The following C14orf132 variants were observed in gnomAD, a reference collection of about 807,000 sequenced individuals.
C14orf132 encodes uncharacterized protein C14orf132.
C14orf132 carries 6 observed loss-of-function variants against 5.8 expected under a neutral mutation model. The observed-to-expected ratio is 1.03, with a 90% confidence interval of 0.57 to 2.04. C14orf132 has a LOEUF of 2.04. C14orf132 is among the 30% of genes most tolerant of loss of function. The pLI is 0.00. For missense variants in C14orf132, 125 were observed against 115.8 expected, an observed-to-expected ratio of 1.08 and a Z score of -0.37; for synonymous variants, 51 against 49.8, an observed-to-expected ratio of 1.02 and a Z score of -0.10.
intron 1 of C14orf132, among the ~76,000 whole-genome samples, chr14:96,068,529 A>T (rs541990370): frequency 3.3e-5 from 5 of 152,258 alleles, no homozygotes; most frequent in African/African-American, 9.6e-5. Flanking sequence ...GTAGAAAAGG[A>T]TTTCTCACTT....
At chr14:96,044,668 G>T (rs1226753502) in intron 1 of C14orf132, among the ~76,000 whole-genome samples, 1 of 152,064 alleles carries the variant, frequency 6.6e-6, no homozygotes, top group East Asian at 1.9e-4. Flanking sequence ...GGTGGGGGTG[G>T]AATCTGTTCC....
intron 1 of C14orf132, among the ~76,000 whole-genome samples, chr14:96,080,995 G>GTAT: frequency 6.6e-6 from 1 of 152,208 alleles, no homozygotes; most frequent in Non-Finnish European, 1.5e-5. Flanking sequence ...TATACCCACT[G>GTAT]ACCAGAATAG....
chr14:96,068,297 G>A (rs1239614149), intron 1 of C14orf132, among the ~76,000 whole-genome samples: 3 of 152,208 alleles, frequency 2.0e-5, no homozygotes, highest in African/African-American at 4.8e-5. Context: ...TCACCTCAAC[G>A]TGTTGCAGGG....
In C14orf132 at chr14:96,090,577, T is replaced by C. The variant is rs2093722; in HGVS notation, c.*3842T>C. The stretch of plus-strand genomic sequence containing the variant: ...CGCAGCTCTTCCTACTCCAAGCCAA[T>C]GCTGTCCTTCCCCTTTCCCATGAAA... On this transcript the variant is annotated 3_prime_UTR_variant, in exon 2 of 2. Coordinates refer to ENST00000555004, the MANE Select transcript of C14orf132 (RefSeq NM_001252507.3). 340,561 of 455,682 alleles carry C rather than the reference T, an allele frequency of 0.75. 128,839 individuals carry two copies. The highest frequency in any genetic ancestry group is 0.96 in the East Asian group (13,758 of 14,382). 28.2% of individuals were successfully genotyped at this position (455,682 alleles called of 1,614,324 possible).
Position 96,089,301 on chromosome 14 carries a change from G to C in C14orf132, c.*2566G>C, listed in dbSNP as rs890392805. 6.6e-6 allele frequency: 1 copy of C among 152,362 alleles called. No individual in the cohort carries two copies. The highest frequency in any genetic ancestry group is 1.5e-5 in the Non-Finnish European group (1 of 68,114). The allele number at this position is 152,362 out of a possible 1,614,324, so 9.4% of individuals were successfully genotyped here. On this transcript the variant is annotated 3_prime_UTR_variant, in exon 2 of 2. Transcript: ENST00000555004. ...TTTGTGTCCAGGTGCCACTAGACTT[G>C]CATGCACACTAACTCCTTACAATCA...
intron 1 of C14orf132, among the ~76,000 whole-genome samples, chr14:96,068,786 TAA>T (rs781205462): frequency 8.5e-5 from 13 of 152,224 alleles, no homozygotes; most frequent in Non-Finnish European, 1.6e-4. Flanking sequence ...ATGGTTCATT[TAA>T]AGTGTCGACT....
Position 96,091,287 on chromosome 14 carries a change from G to A in C14orf132, c.*4552G>A. 2.9e-6 allele frequency: 1 copy of A among 343,948 alleles called. No homozygotes were observed. The highest frequency in any genetic ancestry group is 2.4e-5 in the South Asian group (1 of 42,414). The allele number at this position is 343,948 out of a possible 1,614,324, so 21.3% of individuals were successfully genotyped here. ...TATAGCCAGATTGCCACATTCAAGT[G>A]TAAGTCCAGGAAAGGGGCAGGCGGC... On this transcript the variant is annotated 3_prime_UTR_variant, in exon 2 of 2. Transcript: ENST00000555004.
At chr14:96,054,144 T>C (rs1887111964) in intron 1 of C14orf132, among the ~76,000 whole-genome samples, 1 of 152,184 alleles carries the variant, frequency 6.6e-6, no homozygotes, top group Non-Finnish European at 1.5e-5. Flanking sequence ...CAGACTGTAA[T>C]GTGCCAGAAT....
At chr14:96,041,253 C>T (rs772090376) in intron 1 of C14orf132, among the ~76,000 whole-genome samples, 5 of 152,154 alleles carry the variant, frequency 3.3e-5, no homozygotes, top group Admixed American at 2.6e-4. Flanking sequence ...ATGTGCCAGA[C>T]GCTGGGTGCT....
At chr14:96,069,004 C>T (rs112479989) in intron 1 of C14orf132, among the ~76,000 whole-genome samples, 1,741 of 151,898 alleles carry the variant, frequency 0.011, 15 homozygotes, top group Non-Finnish European at 0.019. Context: ...GTCTTCTGCT[C>T]TCGGATTGGG....
In C14orf132 at chr14:96,086,844, C is replaced by A; in HGVS notation, c.*109C>A. 2 of 1,084,710 alleles carry A rather than the reference C, an allele frequency of 1.8e-6. No homozygotes were observed. Among genetic ancestry groups the A allele is most frequent in the Non-Finnish European group, 2.6e-6 (2 of 769,446 alleles). The allele number at this position is 1,084,710 out of a possible 1,614,324, so 67.2% of individuals were successfully genotyped here. ...TAGAACCAGGAGTTTTGACCAGGGG[C>A]GGCGGCCGTCCTTCTGGAATTTCTC... On this transcript the variant is annotated 3_prime_UTR_variant, in exon 2 of 2. Coordinates refer to ENST00000555004, the MANE Select transcript of C14orf132 (RefSeq NM_001252507.3).
intron 1 of C14orf132, among the ~76,000 whole-genome samples, chr14:96,064,333 C>A (rs1011357696): frequency 6.9e-6 from 1 of 145,048 alleles, no homozygotes; most frequent in Non-Finnish European, 1.5e-5. Flanking sequence ...CATCAATCAT[C>A]GAGTGGATAA....
chr14:96,079,327 C>T (rs138456729), intron 1 of C14orf132, among the ~76,000 whole-genome samples: 3 of 152,290 alleles, frequency 2.0e-5, no homozygotes, highest in East Asian at 1.9e-4. Flanking sequence ...AAAGGAACCA[C>T]GCAGGAGCTC....
intron 1 of C14orf132, among the ~76,000 whole-genome samples, chr14:96,047,059 T>G (rs1446745583): frequency 6.6e-6 from 1 of 152,190 alleles, no homozygotes; most frequent in Non-Finnish European, 1.5e-5. Flanking sequence ...AATGAGTGCT[T>G]CTTTTTCTTC....
chr14:96,072,287 G>T (rs1293728132), intron 1 of C14orf132, among the ~76,000 whole-genome samples: 1 of 152,180 alleles, frequency 6.6e-6, no homozygotes, highest in East Asian at 1.9e-4. Context: ...AAATCTTGGC[G>T]CTGTAGAAAG....
chr14:96,070,791 G>C (rs751379171), intron 1 of C14orf132, among the ~76,000 whole-genome samples: 9 of 152,264 alleles, frequency 5.9e-5, no homozygotes, highest in Admixed American at 3.9e-4. Context: ...CCAATGGAAG[G>C]TGTGCAGGGG....
Position 96,049,637 on chromosome 14 carries a change from TACGTATATATATATATAG to T in C14orf132, c.27+10112_27+10129del, listed in dbSNP as rs1169318326. 1.8e-3 allele frequency among the ~76,000 whole-genome samples: 107 copies of T among 59,568 alleles called. 5 individuals carry two copies. Among genetic ancestry groups the T allele is most frequent in the Middle Eastern group, 0.015 (2 of 130 alleles). The allele number at this position is 59,568 out of a possible 152,430, so 39.1% of individuals were successfully genotyped here. ...ATATATACGTATATATATACATATA[TACGTATATATATATATAG>T]AGAGAGAGAGAGAGAGAGTTCTGTC... is the stretch of plus-strand genomic sequence containing the variant. On this transcript the variant is annotated intron_variant, in intron 1 of 1. Coordinates refer to ENST00000555004, the MANE Select transcript of C14orf132 (RefSeq NM_001252507.3).
At chr14:96,050,973 G>T (rs181896817) in intron 1 of C14orf132, among the ~76,000 whole-genome samples, 1 of 151,820 alleles carries the variant, frequency 6.6e-6, no homozygotes, top group Non-Finnish European at 1.5e-5. Context: ...CTTTTCTCCC[G>T]TTGTGGGAAA....
intron 1 of C14orf132, among the ~76,000 whole-genome samples, chr14:96,079,041 C>A (rs1887957936): frequency 6.6e-6 from 1 of 152,208 alleles, no homozygotes. Flanking sequence ...ATAAACCAGA[C>A]CCAAAAGTGG....
Sources: gnomAD v4.1 joint callset for allele counts (sites outside exome capture counted in the v4.1 genomes callset) on GRCh38, gnomAD v4.1.1 for gene constraint, MANE v1.5 for transcripts, NCBI Gene and HGNC (gene_info 2026-07-23, HGNC 2026-07-21) for gene names.